The following SLC25A37 variants were observed in gnomAD, a reference collection of about 807,000 sequenced individuals.
SLC25A37 encodes mitoferrin-1.
SLC25A37 carries 17 observed loss-of-function variants against 31.0 expected under a neutral mutation model. The observed-to-expected ratio is 0.55, with a 90% CI of 0.38 to 0.82. The LOEUF (loss-of-function observed/expected upper bound fraction) is 0.82, where lower values mean the gene tolerates loss of function less well. Ranked by LOEUF, SLC25A37 falls within the 40% of genes least tolerant of loss-of-function variation. The pLI is 0.00. For missense variants in SLC25A37, 404 were observed against 465.8 expected (o/e 0.87, Z 1.22); for synonymous variants, 222 against 193.0 (o/e 1.15, Z -1.24).
chr8:23,533,287 A>G lies in SLC25A37; in HGVS notation c.210+4075A>G, dbSNP rs116806602. Reference sequence around the variant, plus strand: ...GGTTTGGAGGCGCGTGCCCAAGAGTACTGTGAACAGCAAAGGGGGCCTCAG... The same window carrying G: ...GGTTTGGAGGCGCGTGCCCAAGAGTGCTGTGAACAGCAAAGGGGGCCTCAG... On this transcript the variant is annotated intron_variant, in intron 1 of 3. Coordinates refer to ENST00000519973, the MANE Select transcript of SLC25A37 (RefSeq NM_016612.4). Among the ~76,000 whole-genome samples the G allele has an allele frequency of 8.2e-3, 1,248 of 152,246 alleles. 21 individuals carry two copies. Among genetic ancestry groups the G allele is most frequent in the African/African-American group, 0.029 (1,198 of 41,526 alleles).
intron 1 of SLC25A37, among the ~76,000 whole-genome samples, chr8:23,552,090 A>G (rs542921055): frequency 1.1e-3 from 172 of 152,368 alleles, no homozygotes; most frequent in African/African-American, 3.4e-3. Context: ...GCCATTTATC[A>G]GCAAGTAGAG....
chr8:23,529,603 G>A lies in SLC25A37; in HGVS notation c.210+391G>A, dbSNP rs936189060. Among the ~76,000 whole-genome samples the A allele has an allele frequency of 6.6e-5, 10 of 152,176 alleles. No homozygotes were observed. Among genetic ancestry groups the A allele is most frequent in the African/African-American group, 2.2e-4 (9 of 41,460 alleles). ...TCGGGCTGGCTGGGGCCGCCCACAC[G>A]TGCGCGGTTTCCGAGGGAGCTCCCC... On this transcript the variant is annotated intron_variant, in intron 1 of 3. Transcript: ENST00000519973. The surrounding 1 kb of genome is among the most constrained non-coding windows in gnomAD (Gnocchi z 4.1).
At chr8:23,551,450 T>C (rs1453949880) in intron 1 of SLC25A37, among the ~76,000 whole-genome samples, 1 of 152,018 alleles carries the variant, frequency 6.6e-6, no homozygotes, top group Non-Finnish European at 1.5e-5. Context: ...CATCCCAGTG[T>C]TGTGTCTAGT....
At chr8:23,561,362 G>A (rs1345786228) in intron 1 of SLC25A37, among the ~76,000 whole-genome samples, 1 of 152,180 alleles carries the variant, frequency 6.6e-6, no homozygotes, top group Non-Finnish European at 1.5e-5. Flanking sequence ...AAGTTTTGGT[G>A]TGATGCCAGC....
Position 23,529,234 on chromosome 8 carries a change from G to C in SLC25A37, c.210+22G>C. On this transcript the variant is annotated intron_variant, in intron 1 of 3. Transcript: ENST00000519973. This position sits in a 1 kb window ranked among gnomAD's most constrained non-coding sequence, Gnocchi z 4.1. Reference sequence around the variant, plus strand: ...GAAGGTGAGGCGCGGGGAGACTTCGGGGACGCAACGAGCGGAGAAGGAGCG... The same window carrying C: ...GAAGGTGAGGCGCGGGGAGACTTCGCGGACGCAACGAGCGGAGAAGGAGCG... The C allele has an allele frequency of 6.3e-7, 1 of 1,596,168 alleles. No individual in the cohort carries two copies. Among genetic ancestry groups the C allele is most frequent in the Non-Finnish European group, 8.5e-7 (1 of 1,172,464 alleles).
chr8:23,550,195 A>C (rs1304624807), intron 1 of SLC25A37, among the ~76,000 whole-genome samples: 2 of 135,758 alleles, frequency 1.5e-5, no homozygotes, highest in Admixed American at 7.2e-5. Flanking sequence ...AAAAAAAAAA[A>C]AAAAAACACA....
Position 23,530,820 on chromosome 8 carries a change from C to T in SLC25A37, c.210+1608C>T, listed in dbSNP as rs190477043. On this transcript the variant is annotated intron_variant, in intron 1 of 3. Coordinates refer to ENST00000519973, the MANE Select transcript of SLC25A37 (RefSeq NM_016612.4). ...CCACAGTGAGTTCACTTTAGAGCATCATTTTAGCTTATTTTTAGGATTAGA... is the reference window on the plus strand; with the variant it reads ...CCACAGTGAGTTCACTTTAGAGCATTATTTTAGCTTATTTTTAGGATTAGA... 3.3e-5 allele frequency among the ~76,000 whole-genome samples: 5 copies of T among 152,276 alleles called. No homozygotes were observed. In the East Asian group the frequency reaches 9.7e-4, roughly 29 times the overall value.
At chr8:23,569,241 C>T (rs748565366) in intron 3 of SLC25A37, among the ~76,000 whole-genome samples, 4 of 152,096 alleles carry the variant, frequency 2.6e-5, no homozygotes, top group South Asian at 2.1e-4. Flanking sequence ...TCAGCCAGGG[C>T]GACAGAGCAA....
chr8:23,546,963 C>A (rs960574129), intron 1 of SLC25A37, among the ~76,000 whole-genome samples: 2 of 152,042 alleles, frequency 1.3e-5, no homozygotes, highest in African/African-American at 2.4e-5. Context: ...CTGCTCCCCC[C>A]ACAGGCTTCT....
chr8:23,544,243 G>A (rs1801976400), intron 1 of SLC25A37, among the ~76,000 whole-genome samples: 1 of 152,170 alleles, frequency 6.6e-6, no homozygotes, highest in Non-Finnish European at 1.5e-5. Context: ...CAGTACAGTA[G>A]CATGCTGTAC....
chr8:23,540,226 C>T (rs1801860406), intron 1 of SLC25A37, among the ~76,000 whole-genome samples: 1 of 152,142 alleles, frequency 6.6e-6, no homozygotes, highest in Admixed American at 6.6e-5. Flanking sequence ...AGAACTCGGG[C>T]CTTTTTCTGC....
chr8:23,531,549 C>A (rs920290648), intron 1 of SLC25A37: 2 of 152,190 alleles, frequency 1.3e-5, no homozygotes, highest in East Asian at 1.9e-4. Flanking sequence ...AGAATTATTA[C>A]AGCTGAAAAC....
intron 1 of SLC25A37, among the ~76,000 whole-genome samples, chr8:23,541,171 A>G (rs550194300): frequency 1.3e-5 from 2 of 152,340 alleles, no homozygotes; most frequent in South Asian, 2.1e-4. Flanking sequence ...TAATGTAGAC[A>G]GGGGATAGTA....
intron 1 of SLC25A37, among the ~76,000 whole-genome samples, chr8:23,564,236 G>T (rs1802590107): frequency 6.6e-6 from 1 of 152,018 alleles, no homozygotes; most frequent in South Asian, 2.1e-4. Context: ...CTATGAAAAT[G>T]ACCACTAATT....
At position 23,575,199 on chromosome 8, in the gene SLC25A37, CTTTA is replaced by C. The variant is rs1257991844; in HGVS notation, c.*3349_*3352del. The C allele has an allele frequency of 1.3e-5, 2 of 152,124 alleles. No homozygotes were observed. The highest frequency in any genetic ancestry group is 2.9e-5 in the Non-Finnish European group (2 of 68,020). The allele number at this position is 152,124 out of a possible 1,614,324, so 9.4% of individuals were successfully genotyped here. A position where few individuals can be genotyped will look rare whatever the true frequency, so the allele number is the denominator to read the frequency against. Reference sequence around the variant, plus strand: ...GTTATGCCAATAAGGTTTTATTTAACTTTATTTAAGGATGATTGTGTCTTTGAAT... The same window carrying C: ...GTTATGCCAATAAGGTTTTATTTAACTTTAAGGATGATTGTGTCTTTGAAT... On this transcript the variant is annotated 3_prime_UTR_variant, in exon 4 of 4. Transcript: ENST00000519973.
At position 23,572,504 on chromosome 8, in the gene SLC25A37, G is replaced by T. The variant is rs1364072547; in HGVS notation, c.*649G>T. 1 of 152,444 alleles carries T rather than the reference G, an allele frequency of 6.6e-6. No individual in the cohort carries two copies. The highest frequency in any genetic ancestry group is 1.5e-5 in the Non-Finnish European group (1 of 68,024). 9.4% of individuals were successfully genotyped at this position (152,444 alleles called of 1,614,324 possible). On this transcript the variant is annotated 3_prime_UTR_variant, in exon 4 of 4. Transcript: ENST00000519973. ...CCGGCAGCTGTGTTTAGCCCCTCCA[G>T]ATGGAAGTTTCACTTGAATGTAAAA...
In SLC25A37 at chr8:23,566,051, C is replaced by G. The variant is rs925026528; in HGVS notation, c.211-57C>G. 9.3e-6 allele frequency: 14 copies of G among 1,508,770 alleles called. No homozygotes were observed. In the African/African-American group the frequency reaches 1.9e-4, roughly 20 times the overall value. The allele number at this position is 1,508,770 out of a possible 1,614,324, so 93.5% of individuals were successfully genotyped here. Reference sequence around the variant, plus strand: ...TCCTTCTCCAGGTCTTATTTTCCTTCTTTACCATCCTGATTAACTCTATTT... The same window carrying G: ...TCCTTCTCCAGGTCTTATTTTCCTTGTTTACCATCCTGATTAACTCTATTT... On this transcript the variant is annotated intron_variant, in intron 1 of 3. Coordinates refer to ENST00000519973, the MANE Select transcript of SLC25A37 (RefSeq NM_016612.4).
intron 1 of SLC25A37, among the ~76,000 whole-genome samples, chr8:23,560,187 G>A (rs1163123338): frequency 1.3e-5 from 2 of 152,210 alleles, no homozygotes; most frequent in African/African-American, 4.8e-5. Context: ...AGGATTGCTT[G>A]AGCCCAGGAG....
At chr8:23,530,466 A>G (rs748452253) in intron 1 of SLC25A37, among the ~76,000 whole-genome samples, 10 of 152,250 alleles carry the variant, frequency 6.6e-5, no homozygotes, top group Non-Finnish European at 8.8e-5. Flanking sequence ...GCCAGCAGTC[A>G]GTGTCTGGAC....
Sources: gnomAD v4.1 joint callset for allele counts (sites outside exome capture counted in the v4.1 genomes callset) on GRCh38, gnomAD v4.1.1 for gene constraint, Gnocchi (gnomAD v3.1) non-coding constraint, MANE v1.5 for transcripts, NCBI Gene and HGNC (gene_info 2026-07-23, HGNC 2026-07-21) for gene names.